CTNNA3: variants seen among roughly 807,000 people sequenced by gnomAD.
The protein encoded by CTNNA3 is catenin alpha-3.
CTNNA3 carries 76 observed loss-of-function variants against 95.7 expected under a neutral mutation model. The ratio of observed to expected loss-of-function variants is 0.79; its 90% CI spans 0.66 to 0.96. The LOEUF is 0.96. Ranked by LOEUF, CTNNA3 falls within the 40% of genes least tolerant of loss-of-function variation. CTNNA3 has a pLI of 0.00. For missense variants in CTNNA3, 1,191 were observed against 1,089.8 expected (o/e 1.09, Z -1.31); for synonymous variants, 431 against 374.4 (o/e 1.15, Z -1.74).
intron 10 of CTNNA3, among the ~76,000 whole-genome samples, chr10:66,577,798 G>T (rs1425653435): frequency 6.6e-6 from 1 of 151,914 alleles, no homozygotes; most frequent in Non-Finnish European, 1.5e-5. Flanking sequence ...TTGCTTTGGT[G>T]ATTCAGTCTT....
intron 7 of CTNNA3, among the ~76,000 whole-genome samples, chr10:66,816,643 T>C (rs1413662607): frequency 6.6e-6 from 1 of 151,932 alleles, no homozygotes; most frequent in Non-Finnish European, 1.5e-5. Context: ...AACAAGGAAA[T>C]AGAAGACTTG....
At chr10:66,533,316 C>G (rs1198734554) in intron 10 of CTNNA3, among the ~76,000 whole-genome samples, 1 of 152,068 alleles carries the variant, frequency 6.6e-6, no homozygotes, top group Non-Finnish European at 1.5e-5. Flanking sequence ...GCATTATTTT[C>G]TCACGAAAAC....
intron 1 of CTNNA3, among the ~76,000 whole-genome samples, chr10:67,738,572 G>T (rs1249151985): frequency 1.3e-5 from 2 of 152,044 alleles, no homozygotes; most frequent in African/African-American, 2.4e-5. Context: ...ACCACCAACG[G>T]AACAAAGCTG....
chr10:66,126,095 T>A (rs919471134), intron 13 of CTNNA3, among the ~76,000 whole-genome samples: 1 of 152,164 alleles, frequency 6.6e-6, no homozygotes, highest in African/African-American at 2.4e-5. Flanking sequence ...TCTCACTGTA[T>A]GGGGTATGGA....
intron 5 of CTNNA3, among the ~76,000 whole-genome samples, chr10:67,401,334 T>C (rs1482428974): frequency 2.0e-5 from 3 of 152,096 alleles, no homozygotes; most frequent in African/African-American, 4.8e-5. Flanking sequence ...CTAGATACAG[T>C]CAGAAATTGC....
At chr10:67,605,975 A>T (rs770266748) in intron 3 of CTNNA3, among the ~76,000 whole-genome samples, 1 of 152,074 alleles carries the variant, frequency 6.6e-6, no homozygotes, top group Admixed American at 6.6e-5. Flanking sequence ...TCGGCCAAAA[A>T]TTTTTTTTAA....
At chr10:66,702,722 A>AG (rs1564628640) in intron 9 of CTNNA3, among the ~76,000 whole-genome samples, 3 of 116,136 alleles carry the variant, frequency 2.6e-5, no homozygotes, top group Non-Finnish European at 5.0e-5. Context: ...AAAAAAAAAA[A>AG]AAAAAGAATA....
At chr10:66,259,624 G>C (rs963428965) in intron 13 of CTNNA3, among the ~76,000 whole-genome samples, 2 of 152,064 alleles carry the variant, frequency 1.3e-5, no homozygotes, top group African/African-American at 2.4e-5. Context: ...TCAAACCCTA[G>C]ATACCTAGCT....
At chr10:67,246,144 A>C (rs893035348) in intron 5 of CTNNA3, among the ~76,000 whole-genome samples, 1 of 152,228 alleles carries the variant, frequency 6.6e-6, no homozygotes, top group South Asian at 2.1e-4. Flanking sequence ...TTTAAAATCC[A>C]GATCCCTAAT....
chr10:67,195,869 A>G (rs1368797342), intron 6 of CTNNA3, among the ~76,000 whole-genome samples: 1 of 152,104 alleles, frequency 6.6e-6, no homozygotes, highest in Non-Finnish European at 1.5e-5. Context: ...CATACTCTAT[A>G]TTCTCTGATG....
At position 67,048,612 on chromosome 10, in the gene CTNNA3, C is replaced by T. The variant is rs142180491; in HGVS notation, c.1047+131705G>A. On this transcript the variant is annotated intron_variant, in intron 7 of 17. Transcript: ENST00000433211. ...ACTCAAAGAATGAAAATCACTTATT[C>T]CTTTGAAAATTGGGATACTTTTTAT... Among the ~76,000 whole-genome samples, 309 of 152,144 alleles carry T rather than the reference C, an allele frequency of 2.0e-3. 1 individual carries two copies. Among genetic ancestry groups the T allele is most frequent in the South Asian group, 0.011 (52 of 4,820 alleles).
chr10:66,323,442 G>A (rs1365237886), intron 12 of CTNNA3, among the ~76,000 whole-genome samples: 1 of 151,748 alleles, frequency 6.6e-6, no homozygotes, highest in African/African-American at 2.4e-5. Flanking sequence ...TCAAGAGTTC[G>A]AGACCAGCCT....
intron 9 of CTNNA3, among the ~76,000 whole-genome samples, chr10:66,726,654 T>C (rs1004541320): frequency 6.6e-6 from 1 of 152,018 alleles, no homozygotes; most frequent in African/African-American, 2.4e-5. Flanking sequence ...AGAGGGAGCA[T>C]ATGGAATACA....
intron 5 of CTNNA3, among the ~76,000 whole-genome samples, chr10:67,418,688 CA>C (rs940036194): frequency 7.9e-5 from 12 of 152,140 alleles, no homozygotes; most frequent in African/African-American, 2.9e-4. Flanking sequence ...TTACCAGGGT[CA>C]GGGGCATTAT....
chr10:66,447,272 G>A (rs1000762544), intron 11 of CTNNA3, among the ~76,000 whole-genome samples: 1 of 152,062 alleles, frequency 6.6e-6, no homozygotes, highest in African/African-American at 2.4e-5. Context: ...TAGATTCCAT[G>A]CCATCCTCAT....
intron 5 of CTNNA3, among the ~76,000 whole-genome samples, chr10:67,431,458 A>G (rs1004791872): frequency 3.3e-5 from 5 of 151,962 alleles, no homozygotes; most frequent in African/African-American, 1.2e-4. Flanking sequence ...ATAGATACCT[A>G]TGTTATCCTA....
At chr10:66,763,932 G>A (rs1839731794) in intron 9 of CTNNA3, among the ~76,000 whole-genome samples, 1 of 152,176 alleles carries the variant, frequency 6.6e-6, no homozygotes, top group South Asian at 2.1e-4. Context: ...GTATGTGACA[G>A]CAATCACACG....
intron 7 of CTNNA3, among the ~76,000 whole-genome samples, chr10:67,124,253 A>G (rs1859600423): frequency 6.6e-6 from 1 of 151,942 alleles, no homozygotes; most frequent in African/African-American, 2.4e-5. Context: ...TGTTACTTAT[A>G]CTTAATTATG....
chr10:67,270,239 C>T (rs1386588730), intron 5 of CTNNA3, among the ~76,000 whole-genome samples: 1 of 151,814 alleles, frequency 6.6e-6, no homozygotes, highest in African/African-American at 2.4e-5. Context: ...TTAGGATAGG[C>T]ACATCTATTC....
Sources: allele counts gnomAD v4.1 joint callset (sites outside exome capture counted in the v4.1 genomes callset), GRCh38; gene constraint gnomAD v4.1.1; transcripts MANE v1.5; gene names NCBI Gene and HGNC (gene_info 2026-07-23, HGNC 2026-07-21).